The following RBFOX1 variants were observed in gnomAD, a reference collection of about 807,000 sequenced individuals.
RBFOX1 encodes RNA binding protein fox-1 homolog 1.
A neutral mutation model predicts 57.7 loss-of-function variants in RBFOX1; 8 were observed. The ratio of observed to expected loss-of-function variants is 0.14; its 90% CI spans 0.08 to 0.25. The LOEUF (loss-of-function observed/expected upper bound fraction) is 0.25, where lower values mean the gene tolerates loss of function less well. RBFOX1 is among the 10% of genes least tolerant of loss of function. The pLI is 1.00. For missense variants in RBFOX1, 611 were observed against 548.5 expected (o/e 1.11, Z -1.14); for synonymous variants, 326 against 222.4 (o/e 1.47, Z -4.15).
intron 1 of RBFOX1, among the ~76,000 whole-genome samples, chr16:6,124,014 C>T (rs1220296841): frequency 6.6e-6 from 1 of 152,214 alleles, no homozygotes; most frequent in Non-Finnish European, 1.5e-5. Context: ...CACAAAGGTT[C>T]ATTCCCTTCA....
intron 3 of RBFOX1, among the ~76,000 whole-genome samples, chr16:6,789,043 T>C (rs1285024743): frequency 4.6e-5 from 7 of 152,120 alleles, no homozygotes; most frequent in African/African-American, 1.2e-4. Context: ...TCCTGCTGTA[T>C]AGAAACATGG....
intron 1 of RBFOX1, among the ~76,000 whole-genome samples, chr16:6,229,786 A>G (rs577841578): frequency 6.6e-6 from 1 of 152,266 alleles, no homozygotes; most frequent in East Asian, 1.9e-4. Flanking sequence ...TTGGAAAATG[A>G]ATAGTTATAA....
At chr16:7,385,461 G>C (rs999668628) in intron 4 of RBFOX1, among the ~76,000 whole-genome samples, 1 of 152,210 alleles carries the variant, frequency 6.6e-6, no homozygotes, top group Non-Finnish European at 1.5e-5. Context: ...AGAGGTCGGG[G>C]CTTGGGTGAA....
At chr16:7,512,211 C>T (rs975785988) in intron 4 of RBFOX1, among the ~76,000 whole-genome samples, 1 of 152,188 alleles carries the variant, frequency 6.6e-6, no homozygotes, top group Admixed American at 6.5e-5. Flanking sequence ...TCACTGTCCC[C>T]TACATGAAGT....
intron 1 of RBFOX1, among the ~76,000 whole-genome samples, chr16:5,291,379 C>A (rs913715439): frequency 1.3e-5 from 2 of 151,204 alleles, no homozygotes; most frequent in African/African-American, 4.9e-5. Flanking sequence ...TCTCCTGCCT[C>A]AGCCTCCCGA....
chr16:5,938,784 A>T (rs1470815807), intron 4 of RBFOX1, among the ~76,000 whole-genome samples: 7 of 152,204 alleles, frequency 4.6e-5, no homozygotes, highest in Non-Finnish European at 8.8e-5. Flanking sequence ...ACCACAAAGC[A>T]GGAGGAAGCC....
rs1772541760 is a variant in RBFOX1, at chr16:7,112,988, T to G, written c.27+60890T>G. 4.6e-5 allele frequency among the ~76,000 whole-genome samples: 7 copies of G among 152,322 alleles called. No individual in the cohort carries two copies. In the South Asian group the frequency reaches 1.4e-3, roughly 32 times the overall value. On this transcript the variant is annotated intron_variant, in intron 4 of 15. Coordinates refer to ENST00000550418, the MANE Select transcript of RBFOX1 (RefSeq NM_018723.4). ...TGTAAGGCGCTGCCGAATTGGTTGGTTGTTCTTACATGAATTCAGGGGTGA... is the reference window on the plus strand; with the variant it reads ...TGTAAGGCGCTGCCGAATTGGTTGGGTGTTCTTACATGAATTCAGGGGTGA...
At chr16:6,125,255 T>C (rs1351231575) in intron 1 of RBFOX1, among the ~76,000 whole-genome samples, 5 of 152,162 alleles carry the variant, frequency 3.3e-5, no homozygotes, top group Non-Finnish European at 2.9e-5. Flanking sequence ...TTTTTTCTTA[T>C]ATGAAATTAT....
chr16:5,566,361 C>T (rs1342681742), intron 2 of RBFOX1, among the ~76,000 whole-genome samples: 6 of 152,026 alleles, frequency 3.9e-5, no homozygotes, highest in Non-Finnish European at 1.5e-5. Flanking sequence ...AAACATCGGG[C>T]TGCAAATGGT....
intron 4 of RBFOX1, among the ~76,000 whole-genome samples, chr16:7,250,208 G>T (rs1342343768): frequency 1.3e-5 from 2 of 152,112 alleles, no homozygotes; most frequent in Non-Finnish European, 2.9e-5. Context: ...GTTTCTAAAT[G>T]GTATGTGAAG....
At chr16:7,050,608 C>T (rs1288169887) in intron 3 of RBFOX1, among the ~76,000 whole-genome samples, 1 of 151,990 alleles carries the variant, frequency 6.6e-6, no homozygotes, top group Non-Finnish European at 1.5e-5. Context: ...GTATTTTTAA[C>T]CCAAGATAGG....
intron 1 of RBFOX1, among the ~76,000 whole-genome samples, chr16:6,035,597 G>A (rs912673227): frequency 1.3e-5 from 2 of 152,128 alleles, no homozygotes; most frequent in African/African-American, 4.8e-5. Flanking sequence ...TTGGTGTTCA[G>A]TAATGCTCTA....
intron 1 of RBFOX1, among the ~76,000 whole-genome samples, chr16:6,248,352 C>A (rs1400574595): frequency 6.6e-6 from 1 of 152,252 alleles, no homozygotes; most frequent in East Asian, 1.9e-4. Flanking sequence ...TCAACACAGT[C>A]TATTTCACAG....
At chr16:5,492,936 T>C (rs2042882004) in intron 2 of RBFOX1, among the ~76,000 whole-genome samples, 1 of 152,232 alleles carries the variant, frequency 6.6e-6, no homozygotes, top group Non-Finnish European at 1.5e-5. Context: ...TCACTTCTTT[T>C]GACCCTAGAG....
Position 6,020,641 on chromosome 16 carries a change from A to G in RBFOX1, c.-127+649A>G, listed in dbSNP as rs916994501. 5.3e-5 allele frequency among the ~76,000 whole-genome samples: 8 copies of G among 151,836 alleles called. No homozygotes were observed. In the East Asian group the frequency reaches 7.8e-4, roughly 15 times the overall value. Reference sequence around the variant, plus strand: ...TTCCTGGGAGCCTTAGAGAACCTTCACCCCAGAGAAGGAAACACAGGGGTA... The same window carrying G: ...TTCCTGGGAGCCTTAGAGAACCTTCGCCCCAGAGAAGGAAACACAGGGGTA... On this transcript the variant is annotated intron_variant, in intron 1 of 15. Coordinates refer to ENST00000550418, the MANE Select transcript of RBFOX1 (RefSeq NM_018723.4).
intron 3 of RBFOX1, among the ~76,000 whole-genome samples, chr16:5,812,981 A>G (rs2055487844): frequency 1.3e-5 from 2 of 149,734 alleles, no homozygotes; most frequent in Admixed American, 1.3e-4. Flanking sequence ...ATACATATAC[A>G]TAACATAAAG....
At chr16:6,912,686 G>A (rs191806095) in intron 3 of RBFOX1, among the ~76,000 whole-genome samples, 93 of 151,248 alleles carry the variant, frequency 6.1e-4, no homozygotes, top group African/African-American at 2.2e-3. Flanking sequence ...CATGATCATA[G>A]CTCACTGTAG....
intron 2 of RBFOX1, among the ~76,000 whole-genome samples, chr16:6,469,558 A>C (rs1296348583): frequency 6.6e-6 from 1 of 152,208 alleles, no homozygotes; most frequent in Non-Finnish European, 1.5e-5. Flanking sequence ...AAATGCTCGG[A>C]GGTATCTCAG....
At chr16:6,197,786 C>G (rs1159004182) in intron 1 of RBFOX1, among the ~76,000 whole-genome samples, 2 of 152,010 alleles carry the variant, frequency 1.3e-5, no homozygotes, top group Non-Finnish European at 2.9e-5. Context: ...CTGCTCCTCT[C>G]CCTCCTCCCA....
Sources: allele counts gnomAD v4.1 joint callset (sites outside exome capture counted in the v4.1 genomes callset), GRCh38; gene constraint gnomAD v4.1.1; transcripts MANE v1.5; gene names NCBI Gene and HGNC (gene_info 2026-07-23, HGNC 2026-07-21).